Variants in CNTNAP3 observed in about 807,000 individuals in gnomAD.
CNTNAP3 encodes contactin-associated protein-like 3.
In CNTNAP3, 36 loss-of-function variants were observed where a neutral mutation model predicts 92.1. The ratio of observed to expected loss-of-function variants is 0.39; its 90% confidence interval spans 0.30 to 0.52. The LOEUF (loss-of-function observed/expected upper bound fraction) is 0.52, where lower values mean the gene tolerates loss of function less well. CNTNAP3 is among the 20% of genes least tolerant of loss of function. The pLI, the probability that CNTNAP3 is intolerant of heterozygous loss-of-function variation, is 0.76. For missense variants in CNTNAP3, 534 were observed against 1,069.6 expected, an observed-to-expected ratio of 0.50 and a Z score of 6.98; for synonymous variants, 232 against 422.3, an observed-to-expected ratio of 0.55 and a Z score of 5.53.
chr9:39,081,925 A>C (rs967692432), intron 21 of CNTNAP3, among the ~76,000 whole-genome samples: 2 of 149,550 alleles, frequency 1.3e-5, no homozygotes, highest in African/African-American at 4.9e-5. Flanking sequence ...AAAAATACAA[A>C]AAAAAAAAAA....
intron 12 of CNTNAP3, among the ~76,000 whole-genome samples, chr9:39,137,574 A>G (rs1321113780): frequency 6.6e-6 from 1 of 151,976 alleles, no homozygotes; most frequent in African/African-American, 2.4e-5. Context: ...GTTCAGTGGC[A>G]TGATCTCAGC....
chr9:39,094,305 G>A lies in CNTNAP3; in HGVS notation c.2995+5606C>T, dbSNP rs1386596473. On this transcript the variant is annotated intron_variant, in intron 18 of 23. Coordinates refer to ENST00000297668, the MANE Select transcript of CNTNAP3 (RefSeq NM_033655.5). ...TTGCAAATATTTTATCACATTCTGT[G>A]GATTGTCTTTTTACTCTCTTGATAG... 4.0e-5 allele frequency among the ~76,000 whole-genome samples: 6 copies of A among 151,474 alleles called. No homozygotes were observed. In the East Asian group the frequency reaches 1.2e-3, roughly 29 times the overall value.
At chr9:39,109,354 C>T in intron 14 of CNTNAP3, 67 bp from the exon 15 acceptor site, 2 of 1,589,714 alleles carry the variant, frequency 1.3e-6, no homozygotes, top group Non-Finnish European at 1.7e-6. Context: ...TAACTCTGAT[C>T]TCTTATCTCA....
At chr9:39,098,078 A>G (rs980693515) in intron 18 of CNTNAP3, among the ~76,000 whole-genome samples, 2 of 147,158 alleles carry the variant, frequency 1.4e-5, no homozygotes. Context: ...TTGAAGACCA[A>G]CCCTCCTTCA....
Position 39,068,125 on chromosome 9 carries a change from C to T in CNTNAP3, c.*5765G>A. On this transcript the variant is annotated 3_prime_UTR_variant, in exon 24 of 24. Coordinates refer to ENST00000297668, the MANE Select transcript of CNTNAP3 (RefSeq NM_033655.5). ...TGCGATATTAAAATTTCAGGGCGGGCGCAGTGGCTTACGCCTGTGATACCA... is the reference window on the plus strand; with the variant it reads ...TGCGATATTAAAATTTCAGGGCGGGTGCAGTGGCTTACGCCTGTGATACCA... Among the ~76,000 whole-genome samples, 2 of 150,970 alleles carry T rather than the reference C, an allele frequency of 1.3e-5. No individual in the cohort carries two copies. Among genetic ancestry groups the T allele is most frequent in the Non-Finnish European group, 3.0e-5 (2 of 67,580 alleles).
chr9:39,067,496 C>G lies in CNTNAP3; in HGVS notation c.*6394G>C, dbSNP rs1359855468. On this transcript the variant is annotated 3_prime_UTR_variant, in exon 24 of 24. Transcript: ENST00000297668. ...CACTGCAAACTCTGCCTCCCGGGTTCATGCCATTCTCCTGCCCCAGCCTCC... is the reference window on the plus strand; with the variant it reads ...CACTGCAAACTCTGCCTCCCGGGTTGATGCCATTCTCCTGCCCCAGCCTCC... Among the ~76,000 whole-genome samples the G allele has an allele frequency of 3.3e-5, 5 of 152,412 alleles. No individual in the cohort carries two copies. The East Asian group carries it at 9.6e-4, about 29-fold the overall frequency.
At position 39,149,916 on chromosome 9, in the gene CNTNAP3, G is replaced by A. The variant is rs774489340; in HGVS notation, c.1539C>T (p.Cys513=). 3 of 1,611,374 alleles carry A rather than the reference G, an allele frequency of 1.9e-6. No individual in the cohort carries two copies. Among genetic ancestry groups the A allele is most frequent in the African/African-American group, 1.3e-5 (1 of 74,830 alleles). Residue 513 remains cysteine, a synonymous_variant, in exon 10 of 24, where the codon TGC becomes TGT. Coordinates refer to ENST00000297668, the MANE Select transcript of CNTNAP3 (RefSeq NM_033655.5). ...CKSPLGGFQG[C]LRLITIGDKA... ...TGTCACCAATGGTGATGAGCCTTAG[G>A]CAGCCCTGAAACCCTCCCAGGGGGC...
rs441553 is a variant in CNTNAP3 at position 39,071,322 on chromosome 9, T to A, written c.*2568A>T. Among the ~76,000 whole-genome samples, 1 of 134,046 alleles carries A rather than the reference T, an allele frequency of 7.5e-6. No homozygotes were observed. Among genetic ancestry groups the A allele is most frequent in the Non-Finnish European group, 1.7e-5 (1 of 59,522 alleles). The allele number at this position is 134,046 out of a possible 152,430, so 87.9% of individuals were successfully genotyped here. A position where few individuals can be genotyped will look rare whatever the true frequency, so the allele number is the denominator to read the frequency against. On this transcript the variant is annotated 3_prime_UTR_variant, in exon 24 of 24. Coordinates refer to ENST00000297668, the MANE Select transcript of CNTNAP3 (RefSeq NM_033655.5). ...TTTATGCCGTAATAATGACTTTTAG[T>A]AAACAATGAAGATTTACAGTGATTT... is the stretch of plus-strand genomic sequence containing the variant.
chr9:39,091,168 C>CTTTTTTTTTTTTTTTTTT (rs1319060417), intron 18 of CNTNAP3, among the ~76,000 whole-genome samples: 8 of 117,958 alleles, frequency 6.8e-5, no homozygotes, highest in East Asian at 4.8e-4. Context: ...TGTTTTTCTT[C>CTTTTTTTTTTTTTTTTTT]TTCTTTTTTT....
chr9:39,122,081 G>A (rs1486951940), intron 13 of CNTNAP3, among the ~76,000 whole-genome samples: 5 of 152,326 alleles, frequency 3.3e-5, no homozygotes, highest in East Asian at 3.9e-4. Context: ...CTGGCCGGGC[G>A]CGGTGGCTCA....
intron 8 of CNTNAP3, among the ~76,000 whole-genome samples, chr9:39,168,316 C>G (rs1157791265): frequency 6.6e-6 from 1 of 150,460 alleles, no homozygotes; most frequent in Non-Finnish European, 1.5e-5. Context: ...CACACCTGGC[C>G]CCTTCTTTGA....
intron 14 of CNTNAP3, chr9:39,117,792 TA>T (rs1820893648): frequency 2.9e-6 from 1 of 342,250 alleles, no homozygotes; most frequent in Non-Finnish European, 5.5e-6. Flanking sequence ...ACATGAATAC[TA>T]CGTTAATTAA....
intron 9 of CNTNAP3, among the ~76,000 whole-genome samples, chr9:39,162,793 A>G (rs1563896715): frequency 1.4e-5 from 2 of 146,992 alleles, no homozygotes; most frequent in Non-Finnish European, 1.5e-5. Flanking sequence ...AGAAGGGAAC[A>G]ATAGACACCA....
In CNTNAP3 at chr9:39,217,400, A is replaced by ATATATATATATT. The variant is rs1440827881; in HGVS notation, c.390+21592_390+21593insAATATATATATA. On this transcript the variant is annotated intron_variant, in intron 3 of 23. Transcript: ENST00000297668. ...TATATATATATATATATATATATAT[A>ATATATATATATT]TTCATTGTGGGAATTTCAAATGGGA... Among the ~76,000 whole-genome samples, 4 of 19,904 alleles carry ATATATATATATT rather than the reference A, an allele frequency of 2.0e-4. 2 individuals carry two copies. The highest frequency in any genetic ancestry group is 3.3e-4 in the African/African-American group (4 of 12,218). The allele number at this position is 19,904 out of a possible 152,430, so 13.1% of individuals were successfully genotyped here.
At chr9:39,136,828 T>C (rs1326454901) in intron 12 of CNTNAP3, among the ~76,000 whole-genome samples, 3 of 152,074 alleles carry the variant, frequency 2.0e-5, no homozygotes, top group Non-Finnish European at 4.4e-5. Flanking sequence ...CTGAACCCAG[T>C]AGGCGGAGTT....
chr9:39,110,855 T>C (rs1314196029), intron 14 of CNTNAP3, among the ~76,000 whole-genome samples: 1 of 152,182 alleles, frequency 6.6e-6, no homozygotes, highest in East Asian at 1.9e-4. Flanking sequence ...TACATTCTGA[T>C]TTACAGACAA....
chr9:39,106,062 T>C (rs978294814), intron 15 of CNTNAP3, among the ~76,000 whole-genome samples: 5 of 152,158 alleles, frequency 3.3e-5, no homozygotes, highest in Non-Finnish European at 7.4e-5. Context: ...TATTTACATA[T>C]TTGCTCATTC....
chr9:39,079,141 G>T (rs909963071), intron 21 of CNTNAP3, among the ~76,000 whole-genome samples: 3 of 152,118 alleles, frequency 2.0e-5, no homozygotes, highest in Admixed American at 2.0e-4. Flanking sequence ...TAACAGATTC[G>T]TTCAAGTGCA....
At chr9:39,116,076 C>T (rs1255974712) in intron 14 of CNTNAP3, among the ~76,000 whole-genome samples, 6 of 151,682 alleles carry the variant, frequency 4.0e-5, no homozygotes, top group East Asian at 1.9e-4. Context: ...CGCTTGAATC[C>T]GGGAGGCGCA....
Sources: gnomAD v4.1 joint callset for allele counts (sites outside exome capture counted in the v4.1 genomes callset) on GRCh38, gnomAD v4.1.1 for gene constraint, MANE v1.5 for transcripts, NCBI Gene and HGNC (gene_info 2026-07-23, HGNC 2026-07-21) for gene names.